Variants in PKHD1 observed in about 807,000 individuals in gnomAD.
PKHD1 encodes PKHD1 ciliary IPT domain containing fibrocystin/polyductin.
In PKHD1, 291 loss-of-function variants were observed where a neutral mutation model predicts 412.0. That is an observed-to-expected ratio of 0.71 (90% CI 0.64 to 0.78). PKHD1 has a LOEUF of 0.78. Ranked by LOEUF, PKHD1 falls within the 30% of genes least tolerant of loss-of-function variation. PKHD1 has a pLI of 0.00. For missense variants in PKHD1, 4,825 were observed against 4,950.7 expected, an observed-to-expected ratio of 0.97 and a Z score of 0.76; for synonymous variants, 1,777 against 1,821.5, an observed-to-expected ratio of 0.98 and a Z score of 0.62.
intron 60 of PKHD1, among the ~76,000 whole-genome samples, chr6:51,736,215 T>C (rs1225147560): frequency 6.6e-6 from 1 of 152,172 alleles, no homozygotes; most frequent in Non-Finnish European, 1.5e-5. Flanking sequence ...TAATAACATG[T>C]CTAGATTGAG....
intron 41 of PKHD1, among the ~76,000 whole-genome samples, chr6:51,905,085 C>G (rs1583300362): frequency 6.6e-6 from 1 of 152,162 alleles, no homozygotes; most frequent in East Asian, 1.9e-4. Context: ...GCTTTTATCT[C>G]AACAGATTGT....
At chr6:52,032,146 G>A (rs1803149925) in intron 29 of PKHD1, among the ~76,000 whole-genome samples, 1 of 152,084 alleles carries the variant, frequency 6.6e-6, no homozygotes, top group African/African-American at 2.4e-5. Flanking sequence ...GGAAGCTAAA[G>A]GACACTTCTC....
chr6:51,926,364 G>C (rs551607417), intron 37 of PKHD1, among the ~76,000 whole-genome samples: 1 of 151,900 alleles, frequency 6.6e-6, no homozygotes, highest in African/African-American at 2.4e-5. Context: ...TTTTCTTTTC[G>C]CCTCAAGTTT....
chr6:51,642,812 C>G (rs984545774), intron 63 of PKHD1, among the ~76,000 whole-genome samples: 3 of 152,058 alleles, frequency 2.0e-5, no homozygotes, highest in African/African-American at 7.2e-5. Context: ...TGCATTCCAG[C>G]CTGGGTAACA....
intron 35 of PKHD1, among the ~76,000 whole-genome samples, chr6:52,001,723 G>A (rs1208487884): frequency 3.3e-5 from 5 of 151,840 alleles, no homozygotes; most frequent in East Asian, 1.9e-4. Flanking sequence ...GAGCCACCAC[G>A]CCCAGCCTCC....
chr6:51,692,417 C>T (rs1429973520), intron 60 of PKHD1, among the ~76,000 whole-genome samples: 1 of 152,144 alleles, frequency 6.6e-6, no homozygotes, highest in Non-Finnish European at 1.5e-5. Flanking sequence ...CAAAGTTTGA[C>T]CTCTTGCTAT....
intron 60 of PKHD1, among the ~76,000 whole-genome samples, chr6:51,715,251 G>A (rs1005233713): frequency 3.3e-5 from 5 of 151,954 alleles, no homozygotes; most frequent in Admixed American, 6.6e-5. Context: ...AATGGACTCA[G>A]GGAGCATAAA....
At chr6:51,900,823 A>G (rs1397180148) in intron 43 of PKHD1, among the ~76,000 whole-genome samples, 1 of 152,126 alleles carries the variant, frequency 6.6e-6, no homozygotes, top group African/African-American at 2.4e-5. Context: ...ACAAATTTAC[A>G]AGAAAAAAAC....
At chr6:51,779,006 T>C (rs2148462) in intron 53 of PKHD1, among the ~76,000 whole-genome samples, 89,060 of 151,882 alleles carry the variant, frequency 0.59, 26,876 homozygotes, top group East Asian at 0.83. Context: ...GAATTAGATG[T>C]CCCCTTTTGT....
Position 52,043,049 on chromosome 6 carries a change from C to T in PKHD1, c.2907G>A (p.Thr969=), listed in dbSNP as rs1805178784. 2.5e-6 allele frequency: 4 copies of T among 1,613,936 alleles called. No individual in the cohort carries two copies. The highest frequency in any genetic ancestry group is 1.1e-5 in the South Asian group (1 of 91,076). Reference sequence around the variant, plus strand: ...GGTTTGAGAAAATAACTTTGCAACTCGTTTTGTTCACTGTAACCTGCAAGA... The same window carrying T: ...GGTTTGAGAAAATAACTTTGCAACTTGTTTTGTTCACTGTAACCTGCAAGA... ...SQFLQVTVNK[T]SCKVIFSNQT... The change falls in exon 27 of 67, where the codon ACG becomes ACA. Residue 969 remains threonine, a synonymous_variant. Coordinates refer to ENST00000371117, the MANE Select transcript of PKHD1 (RefSeq NM_138694.4).
intron 52 of PKHD1, among the ~76,000 whole-genome samples, chr6:51,802,474 C>T (rs1391794140): frequency 6.6e-6 from 1 of 151,488 alleles, no homozygotes; most frequent in African/African-American, 2.4e-5. Context: ...TGTGAAAAGG[C>T]ATAAACTGGC....
rs1802501351 is a variant in PKHD1 at position 52,028,142 on chromosome 6, A to G, written c.3560+14T>C. 3 of 1,611,340 alleles carry G rather than the reference A, an allele frequency of 1.9e-6. No homozygotes were observed. In the East Asian group the frequency reaches 6.7e-5, roughly 36 times the overall value. On this transcript the variant is annotated intron_variant, in intron 30 of 66. Coordinates refer to ENST00000371117, the MANE Select transcript of PKHD1 (RefSeq NM_138694.4). Reference sequence around the variant, plus strand: ...ATCAAACAAATCCAAAATTAATGCAAGTGGTCACCTCACCCTTGTGAGTGA... The same window carrying G: ...ATCAAACAAATCCAAAATTAATGCAGGTGGTCACCTCACCCTTGTGAGTGA...
In PKHD1 at chr6:52,065,184, G is replaced by GAGAGAGAGAGAGAC. The variant is rs1554220740; in HGVS notation, c.881-148_881-135dup. 7.8e-4 allele frequency: 93 copies of GAGAGAGAGAGAGAC among 119,326 alleles called. 3 individuals are homozygous for GAGAGAGAGAGAGAC. Among genetic ancestry groups the GAGAGAGAGAGAGAC allele is most frequent in the African/African-American group, 1.2e-3 (26 of 21,404 alleles). 7.4% of individuals were successfully genotyped at this position (119,326 alleles called of 1,614,324 possible). ...ATATATATATAGAGAGAGAGAGAGA[G>GAGAGAGAGAGAGAC]AGAGAGAGAGAGACAGAGAGAGAGA... On this transcript the variant is annotated intron_variant, in intron 12 of 66. Coordinates refer to ENST00000371117, the MANE Select transcript of PKHD1 (RefSeq NM_138694.4).
intron 59 of PKHD1, among the ~76,000 whole-genome samples, chr6:51,746,356 G>A (rs567292537): frequency 6.6e-6 from 1 of 152,206 alleles, no homozygotes; most frequent in African/African-American, 2.4e-5. Flanking sequence ...TTACCAGCAA[G>A]TTTGAAAACA....
chr6:51,858,628 G>A (rs1410358750), intron 48 of PKHD1, among the ~76,000 whole-genome samples: 1 of 150,034 alleles, frequency 6.7e-6, no homozygotes, highest in Admixed American at 6.6e-5. Context: ...TAAATCTTGT[G>A]ATTTATTTAA....
chr6:51,616,474 ATGAATGAACATAGAGC>A lies in PKHD1; in HGVS notation c.*2591_*2606del. Reference sequence around the variant, plus strand: ...TGCTCAAATTGGCTCATCTCCAGACATGAATGAACATAGAGCTGCTCTCTTTGCTTTTGGTGTTTCC... The same window carrying A: ...TGCTCAAATTGGCTCATCTCCAGACATGCTCTCTTTGCTTTTGGTGTTTCC... On this transcript the variant is annotated 3_prime_UTR_variant, in exon 67 of 67. Coordinates refer to ENST00000371117, the MANE Select transcript of PKHD1 (RefSeq NM_138694.4). 1 of 388,868 alleles carries A rather than the reference ATGAATGAACATAGAGC, an allele frequency of 2.6e-6. No homozygotes were observed. Among genetic ancestry groups the A allele is most frequent in the Non-Finnish European group, 4.5e-6 (1 of 220,344 alleles). The allele number at this position is 388,868 out of a possible 1,614,324, so 24.1% of individuals were successfully genotyped here. A position where few individuals can be genotyped will look rare whatever the true frequency, so the allele number is the denominator to read the frequency against.
intron 43 of PKHD1, among the ~76,000 whole-genome samples, chr6:51,902,622 A>G (rs1482811372): frequency 6.6e-6 from 1 of 152,212 alleles, no homozygotes; most frequent in Non-Finnish European, 1.5e-5. Context: ...TTAGAAACTC[A>G]GCATAATGAC....
chr6:51,985,887 GTTAT>G (rs1441527878), intron 35 of PKHD1, among the ~76,000 whole-genome samples: 1 of 152,040 alleles, frequency 6.6e-6, no homozygotes, highest in Non-Finnish European at 1.5e-5. Flanking sequence ...TGCTATATGA[GTTAT>G]TTATTTCTAG....
chr6:51,931,045 C>A lies in PKHD1; in HGVS notation c.6121+3065G>T, dbSNP rs547169659. Among the ~76,000 whole-genome samples, 14 of 152,250 alleles carry A rather than the reference C, an allele frequency of 9.2e-5. No individual in the cohort carries two copies. The South Asian group carries it at 2.9e-3, about 32-fold the overall frequency. On this transcript the variant is annotated intron_variant, in intron 37 of 66. Coordinates refer to ENST00000371117, the MANE Select transcript of PKHD1 (RefSeq NM_138694.4). ...GAGCAATAAGTTTATGAAGTGGGAA[C>A]TGTGTTTTTCTGATTTTTTAGAGAT...
Sources: allele counts gnomAD v4.1 joint callset (sites outside exome capture counted in the v4.1 genomes callset), GRCh38; gene constraint gnomAD v4.1.1; transcripts MANE v1.5; gene names NCBI Gene and HGNC (gene_info 2026-07-23, HGNC 2026-07-21).